Variants in SUGT1 observed in about 807,000 individuals in gnomAD.
SUGT1 encodes the protein protein SGT1 homolog.
Under a neutral mutation model 56.1 loss-of-function variants are expected in SUGT1, and 15 were observed. The ratio of observed to expected loss-of-function variants is 0.27; its 90% CI spans 0.18 to 0.41. SUGT1 has a LOEUF of 0.41. SUGT1 is among the 10% of genes least tolerant of loss of function. The probability of loss-of-function intolerance (pLI) is 1.00; values close to 1 mark genes in which losing one functional copy is unlikely to be tolerated. For missense variants in SUGT1, 347 were observed against 382.2 expected (o/e 0.91, Z 0.77); for synonymous variants, 123 against 128.6 (o/e 0.96, Z 0.30).
At chr13:52,686,726 ATTC>A (rs768202688) in intron 12 of SUGT1, among the ~76,000 whole-genome samples, 1 of 152,208 alleles carries the variant, frequency 6.6e-6, no homozygotes, top group African/African-American at 2.4e-5. Context: ...AATTCGCTCT[ATTC>A]TTTGATGTGG....
rs1353351071 is a variant in SUGT1, at chr13:52,697,625, T to C, written c.*9790T>C. ...AGAAAACCCTCTTTGATGAGGGTTG[T>C]ATACTTTATTTTTAAACAGTATCAA... On this transcript the variant is annotated 3_prime_UTR_variant, in exon 13 of 13. Coordinates refer to ENST00000310528, the MANE Select transcript of SUGT1 (RefSeq NM_006704.5). The C allele has an allele frequency of 6.6e-6, 1 of 152,230 alleles. No homozygotes were observed. The highest frequency in any genetic ancestry group is 1.5e-5 in the Non-Finnish European group (1 of 68,044). 9.4% of individuals were successfully genotyped at this position (152,230 alleles called of 1,614,324 possible).
intron 8 of SUGT1, among the ~76,000 whole-genome samples, chr13:52,664,371 A>C (rs1317363026): frequency 6.6e-6 from 1 of 152,202 alleles, no homozygotes; most frequent in East Asian, 1.9e-4. Flanking sequence ...ACAAGTTAGT[A>C]GTAGATCTAA....
intron 10 of SUGT1, among the ~76,000 whole-genome samples, chr13:52,675,488 G>C (rs1032325027): frequency 2.6e-5 from 4 of 152,038 alleles, no homozygotes; most frequent in Non-Finnish European, 5.9e-5. Context: ...GAGGCTGGAG[G>C]ATCACTTGAG....
intron 12 of SUGT1, among the ~76,000 whole-genome samples, chr13:52,681,865 T>G (rs572683406): frequency 2.1e-4 from 31 of 147,888 alleles, no homozygotes; most frequent in African/African-American, 3.8e-4. Flanking sequence ...GAGAGAGAGA[T>G]AGAACATTTT....
chr13:52,676,734 C>T (rs1963157953), intron 11 of SUGT1, among the ~76,000 whole-genome samples: 1 of 152,276 alleles, frequency 6.6e-6, no homozygotes, highest in East Asian at 1.9e-4. Flanking sequence ...CATCTAATTG[C>T]CTGGAATTTG....
rs990338258 is a variant in SUGT1 at position 52,690,253 on chromosome 13, A to T, written c.*2418A>T. 3.9e-5 allele frequency: 6 copies of T among 152,214 alleles called. No individual in the cohort carries two copies. Among genetic ancestry groups the T allele is most frequent in the African/African-American group, 1.4e-4 (6 of 41,462 alleles). 9.4% of individuals were successfully genotyped at this position (152,214 alleles called of 1,614,324 possible). On this transcript the variant is annotated 3_prime_UTR_variant, in exon 13 of 13. Transcript: ENST00000310528. ...CTGCTTTGTTTAATCATTCTAGATAATGGAAGCTTGTAAGCCTCCAGAAAG... is the reference window on the plus strand; with the variant it reads ...CTGCTTTGTTTAATCATTCTAGATATTGGAAGCTTGTAAGCCTCCAGAAAG...
intron 9 of SUGT1, among the ~76,000 whole-genome samples, chr13:52,666,266 G>A (rs759374516): frequency 2.0e-5 from 3 of 151,962 alleles, no homozygotes; most frequent in East Asian, 1.9e-4. Flanking sequence ...TTGTAGAAAC[G>A]GGGTTTCACC....
chr13:52,671,759 A>C (rs1312972809), intron 10 of SUGT1, among the ~76,000 whole-genome samples: 2 of 152,178 alleles, frequency 1.3e-5, no homozygotes, highest in East Asian at 3.8e-4. Context: ...TTATAGGAGA[A>C]ACTGAGGCTC....
rs1432457262 is a variant in SUGT1 at position 52,698,820 on chromosome 13, G to T, written c.*10985G>T. The T allele has an allele frequency of 6.6e-6, 1 of 152,178 alleles. No homozygotes were observed. Among genetic ancestry groups the T allele is most frequent in the Admixed American group, 6.5e-5 (1 of 15,268 alleles). 9.4% of individuals were successfully genotyped at this position (152,178 alleles called of 1,614,324 possible). A position where few individuals can be genotyped will look rare whatever the true frequency, so the allele number is the denominator to read the frequency against. On this transcript the variant is annotated 3_prime_UTR_variant, in exon 13 of 13. Coordinates refer to ENST00000310528, the MANE Select transcript of SUGT1 (RefSeq NM_006704.5). ...GCAGCTATTTTGTATGATATATAGG[G>T]TAGTGGTTCTTAAGCTTATTGGTGA...
At chr13:52,659,271 T>G in intron 5 of SUGT1, 22 bp downstream of exon 5, 3 of 1,350,148 alleles carry the variant, frequency 2.2e-6, no homozygotes, top group Non-Finnish European at 2.0e-6. Flanking sequence ...AAATTATACT[T>G]TAATAAACTT....
intron 2 of SUGT1, among the ~76,000 whole-genome samples, chr13:52,656,552 G>A (rs1962177170): frequency 6.6e-6 from 1 of 152,098 alleles, no homozygotes; most frequent in African/African-American, 2.4e-5. Context: ...TCAAACGTAA[G>A]GTCCAAATTC....
chr13:52,653,221 C>CTG, intron 2 of SUGT1, 118 bp downstream of exon 2: 1 of 1,217,188 alleles, frequency 8.2e-7, no homozygotes, highest in East Asian at 2.3e-5. Context: ...CTTGTTGATG[C>CTG]TGCGTCTCAG....
chr13:52,682,785 G>A (rs188494157), intron 12 of SUGT1, among the ~76,000 whole-genome samples: 46 of 152,264 alleles, frequency 3.0e-4, no homozygotes, highest in Admixed American at 8.5e-4. Flanking sequence ...CTGAAATTGG[G>A]CAGACTCATT....
chr13:52,698,945 C>A lies in SUGT1; in HGVS notation c.*11110C>A, dbSNP rs1440775402. 6.6e-6 allele frequency: 1 copy of A among 152,132 alleles called. No individual in the cohort carries two copies. The highest frequency in any genetic ancestry group is 1.9e-4 in the East Asian group (1 of 5,190). The allele number at this position is 152,132 out of a possible 1,614,324, so 9.4% of individuals were successfully genotyped here. On this transcript the variant is annotated 3_prime_UTR_variant, in exon 13 of 13. Coordinates refer to ENST00000310528, the MANE Select transcript of SUGT1 (RefSeq NM_006704.5). ...ACCTTTGAGAGAGGGTCCAGTAAAT[C>A]TTTGTTTTGAATGAACTGATGGTTT...
intron 10 of SUGT1, among the ~76,000 whole-genome samples, chr13:52,668,347 A>G (rs1305723759): frequency 6.6e-6 from 1 of 152,148 alleles, no homozygotes; most frequent in Non-Finnish European, 1.5e-5. Flanking sequence ...TTGAAGCTCT[A>G]AGGACATGTG....
At position 52,666,830 on chromosome 13, in the gene SUGT1, C is replaced by G; in HGVS notation, c.538C>G (p.Leu180Val). The change falls in exon 10 of 13, where the codon CTT becomes GTT. Residue 180 changes from leucine to valine, a missense_variant. By Grantham distance (32) the Leu-to-Val change is conservative. Transcript: ENST00000310528. ...SEKELSALVK[L>V]PSGEDYNLKL... ...TCATTAGTTGTCTGCTTTGGTTAAA[C>G]TTCCTTCTGGAGAGGATTACAATTT... is the stretch of plus-strand genomic sequence containing the variant. The G allele has an allele frequency of 6.2e-7, 1 of 1,613,042 alleles. No individual in the cohort carries two copies. The highest frequency in any genetic ancestry group is 8.5e-7 in the Non-Finnish European group (1 of 1,179,472).
intron 10 of SUGT1, among the ~76,000 whole-genome samples, chr13:52,674,077 CAG>C (rs1260352576): frequency 1.5e-4 from 3 of 19,528 alleles, no homozygotes; most frequent in South Asian, 3.0e-3. Context: ...TTTTTTTTGA[CAG>C]AGTCTCGCTC....
At chr13:52,660,833 G>T (rs770753976) in intron 5 of SUGT1, among the ~76,000 whole-genome samples, 23 of 152,044 alleles carry the variant, frequency 1.5e-4, no homozygotes, top group Non-Finnish European at 2.4e-4. Context: ...GCGAGAGAAG[G>T]TCTCGCTCTG....
At chr13:52,672,093 G>A (rs529900627) in intron 10 of SUGT1, among the ~76,000 whole-genome samples, 1 of 152,228 alleles carries the variant, frequency 6.6e-6, no homozygotes, top group Non-Finnish European at 1.5e-5. Flanking sequence ...TTTTATTTTA[G>A]TTATTTCGAT....
Sources: allele counts gnomAD v4.1 joint callset (sites outside exome capture counted in the v4.1 genomes callset), GRCh38; gene constraint gnomAD v4.1.1; transcripts MANE v1.5; gene names NCBI Gene and HGNC (gene_info 2026-07-23, HGNC 2026-07-21).